Variants in PTK2B observed in about 807,000 individuals in gnomAD.
The protein encoded by PTK2B is protein-tyrosine kinase 2-beta.
PTK2B carries 71 observed loss-of-function variants against 142.9 expected under a neutral mutation model. That is an observed-to-expected ratio of 0.50 (90% CI 0.41 to 0.61). The LOEUF is 0.61. Among genes scored for constraint, PTK2B ranks in the 20% least tolerant of loss-of-function variants. The probability of loss-of-function intolerance (pLI) is 0.00; values close to 1 mark genes in which losing one functional copy is unlikely to be tolerated. For synonymous variants in PTK2B, 519 were observed against 503.4 expected, an observed-to-expected ratio of 1.03 and a Z score of -0.42; for missense variants, 1,105 against 1,320.4, an observed-to-expected ratio of 0.84 and a Z score of 2.53.
At chr8:27,351,636 C>T (rs1248974111) in intron 1 of PTK2B, among the ~76,000 whole-genome samples, 1 of 152,122 alleles carries the variant, frequency 6.6e-6, no homozygotes, top group African/African-American at 2.4e-5. Context: ...GTACTAATGC[C>T]TCCAACTAGT....
chr8:27,336,158 GC>G (rs1334611931), intron 1 of PTK2B, among the ~76,000 whole-genome samples: 1 of 152,168 alleles, frequency 6.6e-6, no homozygotes, highest in Non-Finnish European at 1.5e-5. Flanking sequence ...GGCGGGAGGG[GC>G]TGTAGATTTG....
intron 28 of PTK2B, among the ~76,000 whole-genome samples, chr8:27,453,777 G>A (rs1436968410): frequency 6.6e-6 from 1 of 152,108 alleles, no homozygotes; most frequent in Non-Finnish European, 1.5e-5. Context: ...AGGAGACTGA[G>A]GCAGGAGGAT....
chr8:27,352,956 A>T (rs1368113906), intron 1 of PTK2B, among the ~76,000 whole-genome samples: 1 of 152,234 alleles, frequency 6.6e-6, no homozygotes, highest in Non-Finnish European at 1.5e-5. Flanking sequence ...GATGGATTCT[A>T]GAACAAGAAC....
intron 10 of PTK2B, among the ~76,000 whole-genome samples, chr8:27,432,703 T>C (rs979620458): frequency 2.6e-5 from 4 of 152,116 alleles, no homozygotes; most frequent in African/African-American, 7.2e-5. Flanking sequence ...CTCAAAAACA[T>C]GGGTTTTTTT....
In PTK2B at chr8:27,437,412, C is replaced by G; in HGVS notation, c.1443C>G (p.Leu481=). 6.2e-7 allele frequency: 1 copy of G among 1,612,486 alleles called. No homozygotes were observed. The change falls in exon 17 of 31, where the codon CTC becomes CTG. Residue 481 remains leucine (L), a synonymous_variant. Transcript: ENST00000346049. ...ACACTGCAGTGATCATGAAGAACCT[C>G]GACCACCCGCACATCGTGAAGCTGA... is the stretch of plus-strand genomic sequence containing the variant. ...FMSEAVIMKN[L]DHPHIVKLIG...
chr8:27,334,764 C>T (rs377698492), intron 1 of PTK2B, among the ~76,000 whole-genome samples: 112 of 152,302 alleles, frequency 7.4e-4, no homozygotes, highest in African/African-American at 2.6e-3. Context: ...TCGCAACAGC[C>T]AGTTGCAACT....
At chr8:27,370,527 C>T (rs1157810196) in intron 1 of PTK2B, among the ~76,000 whole-genome samples, 2 of 152,252 alleles carry the variant, frequency 1.3e-5, no homozygotes, top group Non-Finnish European at 2.9e-5. Context: ...CCTCTCTTGT[C>T]CCTTACCTGT....
Position 27,456,694 on chromosome 8 carries a change from G to A in PTK2B, c.2815-1600G>A, listed in dbSNP as rs577502040. 3.8e-4 allele frequency among the ~76,000 whole-genome samples: 58 copies of A among 152,302 alleles called. 1 individual carries two copies. The South Asian group carries it at 0.011, about 30-fold the overall frequency. ...GGAAGGCATGTTGAAAACCAAGACAGGCCAAAAGATAGGCCTCTTCTGCCA... is the reference window on the plus strand; with the variant it reads ...GGAAGGCATGTTGAAAACCAAGACAAGCCAAAAGATAGGCCTCTTCTGCCA... On this transcript the variant is annotated intron_variant, in intron 30 of 30. Transcript: ENST00000346049.
chr8:27,452,957 G>A, intron 27 of PTK2B, 157 bp from the exon 28 acceptor site: 2 of 805,902 alleles, frequency 2.5e-6, no homozygotes, highest in Non-Finnish European at 4.0e-6. Context: ...AGGGAGACCA[G>A]GAGGTTCCTT....
At chr8:27,350,990 A>AAAATAT (rs1554483396) in intron 1 of PTK2B, among the ~76,000 whole-genome samples, 8 of 12,086 alleles carry the variant, frequency 6.6e-4, no homozygotes, top group Non-Finnish European at 1.3e-3. Context: ...AAAAAAAAAA[A>AAAATAT]ATATATATAT....
intron 1 of PTK2B, among the ~76,000 whole-genome samples, chr8:27,360,901 G>A (rs1180663666): frequency 2.0e-5 from 3 of 152,144 alleles, no homozygotes; most frequent in Admixed American, 2.0e-4. Flanking sequence ...AAACGTGTCG[G>A]TCTTTCGAAA....
intron 1 of PTK2B, among the ~76,000 whole-genome samples, chr8:27,387,834 A>G (rs950089494): frequency 7.4e-5 from 11 of 149,620 alleles, no homozygotes; most frequent in African/African-American, 2.7e-4. Flanking sequence ...TTTTTTTTTA[A>G]ATCTACATGA....
chr8:27,440,898 G>C (rs542293029), intron 21 of PTK2B, among the ~76,000 whole-genome samples: 2 of 152,134 alleles, frequency 1.3e-5, no homozygotes, highest in African/African-American at 2.4e-5. Flanking sequence ...GGGGGATAAG[G>C]GACCTGAGGG....
At chr8:27,437,096 G>C (rs1261357788) in intron 15 of PTK2B, 26 bp from the exon 16 acceptor site, 1 of 1,600,526 alleles carries the variant, frequency 6.2e-7, no homozygotes, top group Non-Finnish European at 8.6e-7. Flanking sequence ...CTGGACCAAG[G>C]GGTCCTGAAC....
chr8:27,350,231 C>T (rs1804963335), intron 1 of PTK2B, among the ~76,000 whole-genome samples: 1 of 152,062 alleles, frequency 6.6e-6, no homozygotes, highest in East Asian at 1.9e-4. Context: ...ATACATTAAG[C>T]AAGAAATTTA....
chr8:27,410,208 G>A (rs1483941440), intron 2 of PTK2B, among the ~76,000 whole-genome samples: 1 of 152,266 alleles, frequency 6.6e-6, no homozygotes, highest in Non-Finnish European at 1.5e-5. Context: ...GCAGACCTGG[G>A]TGGGAGGCTT....
intron 1 of PTK2B, among the ~76,000 whole-genome samples, chr8:27,373,790 C>T (rs1300897538): frequency 6.6e-6 from 1 of 152,042 alleles, no homozygotes; most frequent in Non-Finnish European, 1.5e-5. Flanking sequence ...AGGGTGTCTT[C>T]TCCTTCTGGT....
intron 1 of PTK2B, among the ~76,000 whole-genome samples, chr8:27,347,748 G>A (rs1432226915): frequency 2.0e-5 from 3 of 152,130 alleles, no homozygotes; most frequent in Non-Finnish European, 4.4e-5. Flanking sequence ...CTCAACATAG[G>A]AATTTTGGGG....
chr8:27,384,568 T>C (rs1227010477), intron 1 of PTK2B, among the ~76,000 whole-genome samples: 1 of 152,236 alleles, frequency 6.6e-6, no homozygotes, highest in Non-Finnish European at 1.5e-5. Context: ...ATCTTAAGTG[T>C]TTTCACTACA....
Sources: allele counts gnomAD v4.1 joint callset (sites outside exome capture counted in the v4.1 genomes callset), GRCh38; gene constraint gnomAD v4.1.1; transcripts MANE v1.5; gene names NCBI Gene and HGNC (gene_info 2026-07-23, HGNC 2026-07-21).